Variants in CC2D2A observed in about 807,000 individuals in gnomAD.
CC2D2A encodes the protein coiled-coil and C2 domain-containing protein 2A.
CC2D2A carries 155 observed loss-of-function variants against 212.9 expected under a neutral mutation model. The observed-to-expected ratio is 0.73, with a 90% CI of 0.64 to 0.83. The LOEUF (loss-of-function observed/expected upper bound fraction) is 0.83, where lower values mean the gene tolerates loss of function less well. Ranked by LOEUF, CC2D2A falls within the 40% of genes least tolerant of loss-of-function variation. The probability of loss-of-function intolerance (pLI) is 0.00; values close to 1 mark genes in which losing one functional copy is unlikely to be tolerated. For missense variants in CC2D2A, 1,856 were observed against 1,956.2 expected (o/e 0.95, Z 0.97); for synonymous variants, 667 against 686.5 (o/e 0.97, Z 0.44).
Position 15,476,608 on chromosome 4 carries a change from C to T in CC2D2A, c.39+637C>T, listed in dbSNP as rs1022105472. Among the ~76,000 whole-genome samples the T allele has an allele frequency of 1.4e-4, 22 of 152,310 alleles. No individual in the cohort carries two copies. In the East Asian group the frequency reaches 2.5e-3, roughly 17 times the overall value. The stretch of plus-strand genomic sequence containing the variant: ...TGAATGCTCCGAAGCTGTTTTGTCA[C>T]GGTTCTATGAACTCTGACACACAGC... On this transcript the variant is annotated intron_variant, in intron 2 of 36. Transcript: ENST00000424120.
At chr4:15,590,397 C>G (rs1401524421) in intron 33 of CC2D2A, among the ~76,000 whole-genome samples, 2 of 152,152 alleles carry the variant, frequency 1.3e-5, no homozygotes. Context: ...ACTCTGTAAT[C>G]CCAGCTACTT....
Position 15,599,696 on chromosome 4 carries a change from G to A in CC2D2A, c.4664G>A (p.Gly1555Glu). 1.2e-6 allele frequency: 2 copies of A among 1,608,694 alleles called. No homozygotes were observed. The highest frequency in any genetic ancestry group is 1.7e-6 in the Non-Finnish European group (2 of 1,176,068). ...DHRAELLKQL[G>E]DYRFSGFPLH... ...AGAGCAGAACTGCTAAAACAGCTGG[G>A]AGACTACAGGGTAAGTTACAAATGG... Residue 1555 changes from glycine to glutamate, a missense_variant, in exon 36 of 37, where the codon GGA becomes GAA. Physicochemically the swap from Gly to Glu is moderately conservative, Grantham distance 98. Coordinates refer to ENST00000424120, the MANE Select transcript of CC2D2A (RefSeq NM_001378615.1).
intron 30 of CC2D2A, among the ~76,000 whole-genome samples, chr4:15,583,584 AT>A (rs1577394593): frequency 6.6e-6 from 1 of 152,222 alleles, no homozygotes; most frequent in East Asian, 1.9e-4. Context: ...CCCATATACA[AT>A]AGCTACAAAA....
Position 15,550,939 on chromosome 4 carries a change from G to A in CC2D2A, c.2297G>A (p.Ser766Asn), listed in dbSNP as rs1249818223. The A allele has an allele frequency of 1.2e-6, 2 of 1,607,188 alleles. No individual in the cohort carries two copies. Among genetic ancestry groups the A allele is most frequent in the East Asian group, 4.5e-5 (2 of 44,830 alleles). ...CCTACTGAAGAAGTGGAGTTTAGCA[G>A]TAATCAGCATGTGACACTGGACCAC... is the stretch of plus-strand genomic sequence containing the variant. ...RAPTEEVEFS[S>N]NQHVTLDHEG... The change falls in exon 18 of 37, where the codon AGT becomes AAT. Residue 766 changes from serine (S) to asparagine (N), a missense_variant. Ser to Asn is a conservative substitution (Grantham distance 46). Coordinates refer to ENST00000424120, the MANE Select transcript of CC2D2A (RefSeq NM_001378615.1).
rs1039905034 is a variant in CC2D2A, at chr4:15,519,019, C to T, written c.1149+2263C>T. The stretch of plus-strand genomic sequence containing the variant: ...TGTTACTTATGCAAATTTCTACAGC[C>T]GGTTTGAATTTCTCCTCAGAAAATG... On this transcript the variant is annotated intron_variant, in intron 11 of 36. Transcript: ENST00000424120. 3.3e-5 allele frequency among the ~76,000 whole-genome samples: 5 copies of T among 152,282 alleles called. No homozygotes were observed. In the South Asian group the frequency reaches 6.2e-4, roughly 19 times the overall value.
At chr4:15,561,681 G>A (rs1560183754) in intron 23 of CC2D2A, 2 of 152,242 alleles carry the variant, frequency 1.3e-5, no homozygotes, top group South Asian at 4.1e-4. Flanking sequence ...GGCTGACATG[G>A]TGCTCCCATG....
intron 32 of CC2D2A, among the ~76,000 whole-genome samples, chr4:15,589,235 G>A (rs1257472725): frequency 6.6e-6 from 1 of 151,938 alleles, no homozygotes; most frequent in Non-Finnish European, 1.5e-5. Flanking sequence ...AGAAGAAAAC[G>A]CCAGTGACTG....
At chr4:15,579,554 G>A (rs1379713573) in intron 29 of CC2D2A, among the ~76,000 whole-genome samples, 1 of 152,094 alleles carries the variant, frequency 6.6e-6, no homozygotes, top group Non-Finnish European at 1.5e-5. Context: ...AGTTGCTTAA[G>A]ATTTACATAT....
chr4:15,533,435 A>G, intron 14 of CC2D2A, 102 bp downstream of exon 14: 1 of 802,172 alleles, frequency 1.2e-6, no homozygotes, highest in Non-Finnish European at 1.9e-6. Flanking sequence ...ACAAATATGC[A>G]TGTAACCACT....
At chr4:15,473,417 A>G (rs993821778) in intron 1 of CC2D2A, among the ~76,000 whole-genome samples, 1 of 152,212 alleles carries the variant, frequency 6.6e-6, no homozygotes, top group African/African-American at 2.4e-5. Flanking sequence ...AAAGTGAAAC[A>G]GCAAGAGCCA....
At chr4:15,563,136 C>A (rs1478507714) in intron 23 of CC2D2A, among the ~76,000 whole-genome samples, 1 of 152,206 alleles carries the variant, frequency 6.6e-6, no homozygotes, top group Non-Finnish European at 1.5e-5. Flanking sequence ...CATGGCTTCT[C>A]TTCCTTGGAT....
intron 11 of CC2D2A, among the ~76,000 whole-genome samples, chr4:15,518,291 A>G (rs925421399): frequency 2.0e-5 from 3 of 152,118 alleles, no homozygotes; most frequent in Non-Finnish European, 2.9e-5. Flanking sequence ...GATACAATGG[A>G]GGTATAGGTA....
intron 11 of CC2D2A, among the ~76,000 whole-genome samples, chr4:15,517,814 G>C (rs1716972825): frequency 6.6e-6 from 1 of 152,158 alleles, no homozygotes; most frequent in South Asian, 2.1e-4. Flanking sequence ...GTTCTACATG[G>C]CTGGGAAGAC....
rs1416978722 is a variant in CC2D2A, at chr4:15,475,606, G to A, written c.-18-309G>A. Among the ~76,000 whole-genome samples, 5 of 152,310 alleles carry A rather than the reference G, an allele frequency of 3.3e-5. No homozygotes were observed. The South Asian group carries it at 6.2e-4, about 19-fold the overall frequency. ...TAAGGGCCAAGGTCAAGGGCAGAGA[G>A]TGCAGAGGGGCAGTAGCGGAGATGA... is the stretch of plus-strand genomic sequence containing the variant. On this transcript the variant is annotated intron_variant, in intron 1 of 36. Coordinates refer to ENST00000424120, the MANE Select transcript of CC2D2A (RefSeq NM_001378615.1).
intron 33 of CC2D2A, among the ~76,000 whole-genome samples, chr4:15,590,897 T>C (rs1721075392): frequency 6.6e-6 from 1 of 151,932 alleles, no homozygotes; most frequent in Admixed American, 6.6e-5. Context: ...CCACCTTGCC[T>C]GGCTAATTTA....
rs138810911 is a variant in CC2D2A, at chr4:15,542,299, A to G, written c.2181+1285A>G. Among the ~76,000 whole-genome samples the G allele has an allele frequency of 3.3e-5, 5 of 152,208 alleles. No homozygotes were observed. The East Asian group carries it at 7.7e-4, about 24-fold the overall frequency. ...TTCTTTCGGTGACTCTTCTCCCACAATGCTAACAGGTCTCTCTTATGATCC... is the reference window on the plus strand; with the variant it reads ...TTCTTTCGGTGACTCTTCTCCCACAGTGCTAACAGGTCTCTCTTATGATCC... On this transcript the variant is annotated intron_variant, in intron 17 of 36. Transcript: ENST00000424120.
chr4:15,557,265 G>C, intron 20 of CC2D2A, 39 bp from the exon 21 acceptor site: 1 of 1,456,386 alleles, frequency 6.9e-7, no homozygotes, highest in Non-Finnish European at 9.5e-7. Context: ...GATGAGATCT[G>C]ACTGTCATCT....
At chr4:15,522,873 C>A (rs760285860) in intron 11 of CC2D2A, among the ~76,000 whole-genome samples, 33 of 151,888 alleles carry the variant, frequency 2.2e-4, no homozygotes, top group Non-Finnish European at 4.4e-4. Context: ...AATCCCAGCA[C>A]TTTGGGAGGC....
At position 15,545,132 on chromosome 4, in the gene CC2D2A, A is replaced by T. The variant is rs530715649; in HGVS notation, c.2181+4118A>T. ...GTATTTCAAGTCTCTAGTCATAGTAAGTACTCTGCTATTTGGAAATTTTCC... is the reference window on the plus strand; with the variant it reads ...GTATTTCAAGTCTCTAGTCATAGTATGTACTCTGCTATTTGGAAATTTTCC... On this transcript the variant is annotated intron_variant, in intron 17 of 36. Coordinates refer to ENST00000424120, the MANE Select transcript of CC2D2A (RefSeq NM_001378615.1). Among the ~76,000 whole-genome samples the T allele has an allele frequency of 1.1e-4, 16 of 152,310 alleles. No individual in the cohort carries two copies. In the South Asian group the frequency reaches 3.1e-3, roughly 30 times the overall value.
Sources: gnomAD v4.1 joint callset for allele counts (sites outside exome capture counted in the v4.1 genomes callset) on GRCh38, gnomAD v4.1.1 for gene constraint, MANE v1.5 for transcripts, NCBI Gene and HGNC (gene_info 2026-07-23, HGNC 2026-07-21) for gene names.